AMMECR1L: variants seen among roughly 807,000 people sequenced by gnomAD.
AMMECR1L encodes AMMECR1 like.
Under a neutral mutation model 36.8 loss-of-function variants are expected in AMMECR1L, and 4 were observed. That is an observed-to-expected ratio of 0.11 (90% CI 0.05 to 0.25). The LOEUF (loss-of-function observed/expected upper bound fraction) is 0.25. AMMECR1L is among the 10% of genes least tolerant of loss of function. The pLI, the probability that AMMECR1L is intolerant of heterozygous loss-of-function variation, is 1.00. For synonymous variants in AMMECR1L, 147 were observed against 148.0 expected, an observed-to-expected ratio of 0.99 and a Z score of 0.05; for missense variants, 232 against 392.1, an observed-to-expected ratio of 0.59 and a Z score of 3.45.
chr2:127,864,420 T>C lies in AMMECR1L; in HGVS notation c.*674A>G, dbSNP rs1309530359. 2 of 152,470 alleles carry C rather than the reference T, an allele frequency of 1.3e-5. No homozygotes were observed. The highest frequency in any genetic ancestry group is 1.3e-4 in the Admixed American group (2 of 15,256). 9.4% of individuals were successfully genotyped at this position (152,470 alleles called of 1,614,324 possible). On this transcript the variant is annotated 3_prime_UTR_variant, in exon 8 of 8. Transcript: ENST00000272647. ...CAGGAAGAGTGCCAGAAAATCCAAC[T>C]GAGAGTGGGATGAGGATGAAAATCT...
rs1690619844 is a variant in AMMECR1L at position 127,864,982 on chromosome 2, T to TA, written c.*111dup. On this transcript the variant is annotated 3_prime_UTR_variant, in exon 8 of 8. Transcript: ENST00000272647. ...GACTTGGCAACGGAAGCTAGCATCA[T>TA]AAAATGGTGCAGTAATAGAAGTAAC... 1 of 730,824 alleles carries TA rather than the reference T, an allele frequency of 1.4e-6. No individual in the cohort carries two copies. Among genetic ancestry groups the TA allele is most frequent in the Non-Finnish European group, 2.3e-6 (1 of 438,092 alleles). The allele number at this position is 730,824 out of a possible 1,614,324, so 45.3% of individuals were successfully genotyped here.
At chr2:127,878,733 T>C (rs1691359265) in intron 2 of AMMECR1L, among the ~76,000 whole-genome samples, 1 of 152,218 alleles carries the variant, frequency 6.6e-6, no homozygotes, top group African/African-American at 2.4e-5. Flanking sequence ...CTTCCAACTA[T>C]GATTTGCAAT....
rs745764775 is a variant in AMMECR1L, at chr2:127,865,602, G to A, written c.822-397C>T. The stretch of plus-strand genomic sequence containing the variant: ...CTGCACATCTACTTCCAGAGTAAAT[G>A]TGATACATTTGACAGAAATGCAACC... On this transcript the variant is annotated intron_variant, in intron 7 of 7. Transcript: ENST00000272647. The surrounding 1 kb of genome is among the most constrained non-coding windows in gnomAD (Gnocchi z 5.4). Among the ~76,000 whole-genome samples the A allele has an allele frequency of 6.6e-6, 1 of 152,234 alleles. No individual in the cohort carries two copies. The highest frequency in any genetic ancestry group is 1.5e-5 in the Non-Finnish European group (1 of 68,046).
chr2:127,866,810 A>T, intron 7 of AMMECR1L, 90 bp downstream of exon 7: 2 of 1,250,428 alleles, frequency 1.6e-6, no homozygotes, highest in Non-Finnish European at 2.3e-6. Flanking sequence ...GGACATTCAC[A>T]GAGAACACTT....
rs575628637 is a variant in AMMECR1L, at chr2:127,861,765, A to G, written c.*3329T>C. The stretch of plus-strand genomic sequence containing the variant: ...CTGAAGTCTTTGCACTGAAGGCCAT[A>G]TAGTCTCTTGCTTCAGGGAAGTAAG... On this transcript the variant is annotated 3_prime_UTR_variant, in exon 8 of 8. Coordinates refer to ENST00000272647, the MANE Select transcript of AMMECR1L (RefSeq NM_001199140.2). 2.0e-5 allele frequency: 3 copies of G among 152,356 alleles called. No homozygotes were observed. The highest frequency in any genetic ancestry group is 4.8e-5 in the African/African-American group (2 of 41,590). The allele number at this position is 152,356 out of a possible 1,614,324, so 9.4% of individuals were successfully genotyped here.
chr2:127,874,290 T>C lies in AMMECR1L; in HGVS notation c.-38-18A>G, dbSNP rs1387212347. On this transcript the variant is annotated intron_variant, in intron 2 of 7. Coordinates refer to ENST00000272647, the MANE Select transcript of AMMECR1L (RefSeq NM_001199140.2). This position sits in a 1 kb window ranked among gnomAD's most constrained non-coding sequence, Gnocchi z 5.2. Reference sequence around the variant, plus strand: ...GCAGAACCCTAACCAAAATGAGAAGTTAAGCATTAATTTGACTGGTTAGTT... The same window carrying C: ...GCAGAACCCTAACCAAAATGAGAAGCTAAGCATTAATTTGACTGGTTAGTT... 5 of 1,584,940 alleles carry C rather than the reference T, an allele frequency of 3.2e-6. No individual in the cohort carries two copies. The highest frequency in any genetic ancestry group is 3.4e-6 in the Non-Finnish European group (4 of 1,171,204).
At chr2:127,881,236 A>G (rs1276681417) in intron 2 of AMMECR1L, among the ~76,000 whole-genome samples, 2 of 149,618 alleles carry the variant, frequency 1.3e-5, no homozygotes, top group Non-Finnish European at 3.0e-5. Flanking sequence ...TGGAGAATTT[A>G]TTTGCCTGGG....
rs377285725 is a variant in AMMECR1L, at chr2:127,881,317, T to C, written c.-39+2886A>G. 1.6e-3 allele frequency among the ~76,000 whole-genome samples: 155 copies of C among 98,552 alleles called. 5 individuals are homozygous for C. The highest frequency in any genetic ancestry group is 3.6e-3 in the African/African-American group (135 of 37,856). 64.7% of individuals were successfully genotyped at this position (98,552 alleles called of 152,430 possible). On this transcript the variant is annotated intron_variant, in intron 2 of 7. Coordinates refer to ENST00000272647, the MANE Select transcript of AMMECR1L (RefSeq NM_001199140.2). The stretch of plus-strand genomic sequence containing the variant: ...ACTGCTAGTATTTACAAACCAGGTA[T>C]TGAGACTGCTATTGACACAAAGATG...
Position 127,875,787 on chromosome 2 carries a change from C to CTA in AMMECR1L, c.-38-1516_-38-1515insTA, listed in dbSNP as rs1468424603. 2.3e-3 allele frequency among the ~76,000 whole-genome samples: 292 copies of CTA among 125,152 alleles called. 3 individuals are homozygous for CTA. The highest frequency in any genetic ancestry group is 8.4e-3 in the African/African-American group (283 of 33,728). 82.1% of individuals were successfully genotyped at this position (125,152 alleles called of 152,430 possible). ...TTTCCCTCTCCTCCCCTCTCCTCTT[C>CTA]TCTCTCTCTCTCTCTTTTTCTTTAA... On this transcript the variant is annotated intron_variant, in intron 2 of 7. Coordinates refer to ENST00000272647, the MANE Select transcript of AMMECR1L (RefSeq NM_001199140.2).
chr2:127,876,349 CA>C (rs11332960), intron 2 of AMMECR1L, among the ~76,000 whole-genome samples: 70,172 of 111,052 alleles, frequency 0.63, 22,818 homozygotes, highest in East Asian at 0.75. Flanking sequence ...GGCCCTGTCT[CA>C]AAAAAAAAAA....
Position 127,869,757 on chromosome 2 carries a change from C to T in AMMECR1L, c.634-213G>A, listed in dbSNP as rs1054019188. On this transcript the variant is annotated intron_variant, in intron 5 of 7. Transcript: ENST00000272647. This position sits in a 1 kb window ranked among gnomAD's most constrained non-coding sequence, Gnocchi z 4.7. ...AAGGGTCGAGAGTATGTGCAGCCAA[C>T]TCTGAGAATATGAAGGTAGGAGAAA... is the stretch of plus-strand genomic sequence containing the variant. 1.3e-5 allele frequency among the ~76,000 whole-genome samples: 2 copies of T among 152,228 alleles called. No homozygotes were observed. Among genetic ancestry groups the T allele is most frequent in the African/African-American group, 4.8e-5 (2 of 41,452 alleles).
chr2:127,880,727 C>G (rs1299837011), intron 2 of AMMECR1L, among the ~76,000 whole-genome samples: 1 of 152,008 alleles, frequency 6.6e-6, no homozygotes, highest in African/African-American at 2.4e-5. Flanking sequence ...CGCAGGGCAT[C>G]TGTTTCATCT....
chr2:127,866,835 CA>C (rs1169462652), intron 7 of AMMECR1L, 64 bp downstream of exon 7: 1 of 1,453,294 alleles, frequency 6.9e-7, no homozygotes, highest in African/African-American at 1.4e-5. Context: ...TCCATCCCAT[CA>C]AAATTATCCT....
In AMMECR1L at chr2:127,864,615, C is replaced by T. The variant is rs1374251866; in HGVS notation, c.*479G>A. The T allele has an allele frequency of 2.0e-5, 3 of 152,442 alleles. No individual in the cohort carries two copies. The highest frequency in any genetic ancestry group is 7.2e-5 in the African/African-American group (3 of 41,448). 9.4% of individuals were successfully genotyped at this position (152,442 alleles called of 1,614,324 possible). A position where few individuals can be genotyped will look rare whatever the true frequency, so the allele number is the denominator to read the frequency against. On this transcript the variant is annotated 3_prime_UTR_variant, in exon 8 of 8. Transcript: ENST00000272647. ...TAATCAACTCTTGGTACGCAATAAA[C>T]TGGAAGTTTAAAAAAAGGAATTTAA...
Position 127,874,892 on chromosome 2 carries a change from T to TC in AMMECR1L, c.-38-621dup, listed in dbSNP as rs1478938303. ...CTCTCCTCCTCCAGCCCCCTCATTC[T>TC]CTTTGGTTCCCCTCTGAACTCACTC... On this transcript the variant is annotated intron_variant, in intron 2 of 7. Transcript: ENST00000272647. The surrounding 1 kb of genome is among the most constrained non-coding windows in gnomAD (Gnocchi z 5.2). Among the ~76,000 whole-genome samples the TC allele has an allele frequency of 1.3e-5, 2 of 152,196 alleles. No individual in the cohort carries two copies. The highest frequency in any genetic ancestry group is 2.9e-5 in the Non-Finnish European group (2 of 68,028).
At chr2:127,870,953 T>G in intron 4 of AMMECR1L, 25 bp from the exon 5 acceptor site, 1 of 1,574,796 alleles carries the variant, frequency 6.4e-7, no homozygotes, top group Non-Finnish European at 8.7e-7. Context: ...AAAACATAGG[T>G]AAGGCTGCTC....
At chr2:127,879,181 C>T (rs372820305) in intron 2 of AMMECR1L, among the ~76,000 whole-genome samples, 30 of 152,280 alleles carry the variant, frequency 2.0e-4, no homozygotes, top group Non-Finnish European at 4.0e-4. Context: ...TTGTCGCCAC[C>T]CAAGTCTCAT....
intron 2 of AMMECR1L, among the ~76,000 whole-genome samples, chr2:127,881,534 G>A (rs1054254484): frequency 6.6e-6 from 1 of 152,078 alleles, no homozygotes; most frequent in Non-Finnish European, 1.5e-5. Flanking sequence ...GACTTGCCAC[G>A]TACCAGCTAC....
chr2:127,877,516 A>C (rs192600234), intron 2 of AMMECR1L, among the ~76,000 whole-genome samples: 11 of 152,044 alleles, frequency 7.2e-5, no homozygotes, highest in African/African-American at 2.7e-4. Flanking sequence ...TTGTATTTTT[A>C]GTAGAGATGG....
Sources: allele counts gnomAD v4.1 joint callset (sites outside exome capture counted in the v4.1 genomes callset), GRCh38; gene constraint gnomAD v4.1.1; non-coding constraint Gnocchi (gnomAD v3.1); transcripts MANE v1.5; gene names NCBI Gene and HGNC (gene_info 2026-07-23, HGNC 2026-07-21).